The following MPRIP variants were observed in gnomAD, a reference collection of about 807,000 sequenced individuals.
MPRIP encodes myosin phosphatase Rho interacting protein, also known as myosin phosphatase Rho-interacting protein.
A neutral mutation model predicts 234.9 loss-of-function variants in MPRIP; 59 were observed. That is an observed-to-expected ratio of 0.25 (90% CI 0.20 to 0.31). The LOEUF (loss-of-function observed/expected upper bound fraction) is 0.31, where lower values mean the gene tolerates loss of function less well. MPRIP is among the 10% of genes least tolerant of loss of function. The pLI is 1.00. For synonymous variants in MPRIP, 1,144 were observed against 1,263.9 expected (o/e 0.91, Z 2.01); for missense variants, 2,436 against 3,071.0 (o/e 0.79, Z 4.89).
intron 3 of MPRIP, among the ~76,000 whole-genome samples, chr17:17,124,051 C>T (rs942009572): frequency 6.6e-6 from 1 of 152,180 alleles, no homozygotes; most frequent in African/African-American, 2.4e-5. Flanking sequence ...ATTAATGCTT[C>T]TGAAATCCTT....
chr17:17,167,436 G>A lies in MPRIP; in HGVS notation c.5845G>A (p.Glu1949Lys), dbSNP rs1205057605. Residue 1949 changes from glutamate to lysine, a missense_variant, in exon 16 of 24, where the codon GAG becomes AAG. Coordinates refer to ENST00000651222, the MANE Select transcript of MPRIP (RefSeq NM_001364716.4). The surrounding 1 kb of genome is among the most constrained non-coding windows in gnomAD (Gnocchi z 5.9). ...MSMFTLRGRYEEEIRCVVEQL... is the reference protein window; with the variant it reads ...MSMFTLRGRYKEEIRCVVEQL... ...CATGTTCACCCTGCGGGGCAGGTAT[G>A]AGGAGGAGATTCGGTGTGTGGTGGA... The A allele has an allele frequency of 2.3e-5, 30 of 1,304,118 alleles. No individual in the cohort carries two copies. Among genetic ancestry groups the A allele is most frequent in the South Asian group, 7.4e-5 (6 of 81,034 alleles). The allele number at this position is 1,304,118 out of a possible 1,614,324, so 80.8% of individuals were successfully genotyped here.
rs777928710 is a variant in MPRIP, at chr17:17,134,505, T to G, written c.505-1714T>G. Among the ~76,000 whole-genome samples the G allele has an allele frequency of 9.9e-5, 15 of 152,136 alleles. 1 individual carries two copies. The highest frequency in any genetic ancestry group is 3.9e-4 in the East Asian group (2 of 5,194). On this transcript the variant is annotated intron_variant, in intron 5 of 23. Transcript: ENST00000651222. ...ACTGTTTGCTTCCGAGAAGCTGGCT[T>G]CTTCTGAGGGGAGCCTTCAGCCTGG...
intron 3 of MPRIP, among the ~76,000 whole-genome samples, chr17:17,088,276 T>C (rs1231916726): frequency 6.6e-6 from 1 of 152,212 alleles, no homozygotes; most frequent in Non-Finnish European, 1.5e-5. Context: ...CCCTTGCTGG[T>C]CTATCTTCAG....
rs141934737 is a variant in MPRIP, at chr17:17,087,219, A to G, written c.267+9143A>G. ...CAGACCTTCCATTTTGTAGTGAGGA[A>G]GCTTAGCTAGGGGGAGGGGGAGGGA... On this transcript the variant is annotated intron_variant, in intron 3 of 23. Coordinates refer to ENST00000651222, the MANE Select transcript of MPRIP (RefSeq NM_001364716.4). 3.0e-3 allele frequency among the ~76,000 whole-genome samples: 452 copies of G among 152,154 alleles called. 1 individual carries two copies. The highest frequency in any genetic ancestry group is 8.9e-3 in the African/African-American group (371 of 41,510).
rs1338033405 is a variant in MPRIP at position 17,166,836 on chromosome 17, C to G, written c.5245C>G (p.Pro1749Ala). 6 of 1,303,982 alleles carry G rather than the reference C, an allele frequency of 4.6e-6. No individual in the cohort carries two copies. The highest frequency in any genetic ancestry group is 6.1e-6 in the Non-Finnish European group (6 of 988,952). 80.8% of individuals were successfully genotyped at this position (1,303,982 alleles called of 1,614,324 possible). A position where few individuals can be genotyped will look rare whatever the true frequency, so the allele number is the denominator to read the frequency against. Residue 1749 changes from proline to alanine, a missense_variant, in exon 16 of 24, where the codon CCC becomes GCC. By Grantham distance (27) the Pro-to-Ala change is conservative. Transcript: ENST00000651222. The surrounding 1 kb of genome is among the most constrained non-coding windows in gnomAD (Gnocchi z 4.4). Reference sequence around the variant, plus strand: ...TGTTCAGCTGTCCTGGGACCTGAGCCCCTTAGGAGAAGTCCTGGGCCGAGA... The same window carrying G: ...TGTTCAGCTGTCCTGGGACCTGAGCGCCTTAGGAGAAGTCCTGGGCCGAGA... ...DGVQLSWDLS[P>A]LGEVLGRDSD...
At position 17,188,917 on chromosome 17, in the gene MPRIP, A is replaced by G. The variant is rs2046530134; in HGVS notation, c.*4023A>G. 6.6e-6 allele frequency: 1 copy of G among 152,196 alleles called. No homozygotes were observed. Among genetic ancestry groups the G allele is most frequent in the African/African-American group, 2.4e-5 (1 of 41,430 alleles). The allele number at this position is 152,196 out of a possible 1,614,324, so 9.4% of individuals were successfully genotyped here. ...AGGTTTTGCATATGACCTGCAGCCT[A>G]ATTTGGGGTGTAGGGGAAGCTCTGC... On this transcript the variant is annotated 3_prime_UTR_variant, in exon 24 of 24. Coordinates refer to ENST00000651222, the MANE Select transcript of MPRIP (RefSeq NM_001364716.4).
chr17:17,173,237 A>C (rs2137687), intron 18 of MPRIP, among the ~76,000 whole-genome samples: 151,775 of 152,384 alleles, frequency 1, 75,591 homozygotes, highest in Middle Eastern at 1. Context: ...CAGGATAGAA[A>C]AATACCAGAA....
intron 3 of MPRIP, among the ~76,000 whole-genome samples, chr17:17,085,162 G>A (rs1276512085): frequency 1.3e-5 from 2 of 152,192 alleles, no homozygotes; most frequent in South Asian, 4.1e-4. Flanking sequence ...GCTTGTTGGA[G>A]TGGGGTCAGT....
chr17:17,049,644 GC>G (rs1186689986), intron 1 of MPRIP, among the ~76,000 whole-genome samples: 2 of 152,174 alleles, frequency 1.3e-5, no homozygotes, highest in Non-Finnish European at 2.9e-5. Context: ...AAATCCCGGA[GC>G]CTTTTACTCA....
chr17:17,090,954 C>T (rs2089701434), intron 3 of MPRIP, among the ~76,000 whole-genome samples: 1 of 152,112 alleles, frequency 6.6e-6, no homozygotes, highest in Non-Finnish European at 1.5e-5. Context: ...CAGGTATTTA[C>T]ACCTCTGCCA....
chr17:17,070,261 TC>T (rs1294161918), intron 1 of MPRIP, among the ~76,000 whole-genome samples: 3 of 152,210 alleles, frequency 2.0e-5, no homozygotes, highest in African/African-American at 7.2e-5. Flanking sequence ...TTTGGGTTTA[TC>T]CTTTGATGTT....
chr17:17,070,991 G>A (rs771914548), intron 1 of MPRIP, among the ~76,000 whole-genome samples: 3 of 152,186 alleles, frequency 2.0e-5, no homozygotes, highest in Non-Finnish European at 2.9e-5. Flanking sequence ...TGAACTGGGA[G>A]GCTCCTCATC....
At chr17:17,171,618 TG>T in intron 16 of MPRIP, 99 bp from the exon 17 acceptor site, 1 of 1,458,652 alleles carries the variant, frequency 6.9e-7, no homozygotes, top group Non-Finnish European at 9.2e-7. Flanking sequence ...CAGTCACAGC[TG>T]GGCCTGGACA....
intron 4 of MPRIP, among the ~76,000 whole-genome samples, chr17:17,128,006 A>G (rs1025070354): frequency 3.9e-5 from 6 of 152,148 alleles, no homozygotes; most frequent in Admixed American, 3.3e-4. Context: ...GAGCTGGAGG[A>G]GCACTTCTGT....
At chr17:17,126,215 C>T (rs886194738) in intron 3 of MPRIP, among the ~76,000 whole-genome samples, 1 of 152,222 alleles carries the variant, frequency 6.6e-6, no homozygotes, top group African/African-American at 2.4e-5. Context: ...GCCAGGCTGC[C>T]GGGCGTGCTC....
intron 10 of MPRIP, 24 bp downstream of exon 10, chr17:17,146,116 C>A (rs748325351): frequency 4.3e-6 from 7 of 1,610,516 alleles, no homozygotes; most frequent in Non-Finnish European, 5.9e-6. Context: ...GTTGCCGTGG[C>A]CCCTGAGGGA....
chr17:17,156,925 T>C (rs1174881563), intron 13 of MPRIP, among the ~76,000 whole-genome samples: 1 of 152,198 alleles, frequency 6.6e-6, no homozygotes. Context: ...ACGGCAACCA[T>C]TTCCTCTTTT....
intron 13 of MPRIP, 73 bp from the exon 14 acceptor site, chr17:17,158,359 A>G (rs2045778355): frequency 7.5e-7 from 1 of 1,333,566 alleles, no homozygotes; most frequent in Non-Finnish European, 1.0e-6. Context: ...GTGGCTCAGC[A>G]TTGCCAGCTT....
intron 1 of MPRIP, among the ~76,000 whole-genome samples, chr17:17,062,614 G>A (rs778846935): frequency 6.6e-6 from 1 of 152,230 alleles, no homozygotes; most frequent in Non-Finnish European, 1.5e-5. Flanking sequence ...GGACAGAGCA[G>A]CGGAGCCATG....
Sources: allele counts gnomAD v4.1 joint callset (sites outside exome capture counted in the v4.1 genomes callset), GRCh38; gene constraint gnomAD v4.1.1; non-coding constraint Gnocchi (gnomAD v3.1); transcripts MANE v1.5; gene names NCBI Gene and HGNC (gene_info 2026-07-23, HGNC 2026-07-21).